The following TM9SF2 variants were observed in gnomAD, a reference collection of about 807,000 sequenced individuals.
The protein encoded by TM9SF2 is 76 kDa membrane protein.
Under a neutral mutation model 84.9 loss-of-function variants are expected in TM9SF2, and 13 were observed. That is an observed-to-expected ratio of 0.15 (90% confidence interval 0.10 to 0.24). The LOEUF (loss-of-function observed/expected upper bound fraction) is 0.24, where lower values mean the gene tolerates loss of function less well. TM9SF2 is among the 10% of genes least tolerant of loss of function. The pLI, the probability that TM9SF2 is intolerant of heterozygous loss-of-function variation, is 1.00. For missense variants in TM9SF2, 562 were observed against 818.5 expected (o/e 0.69, Z 3.82); for synonymous variants, 273 against 285.8 (o/e 0.96, Z 0.45).
At chr13:99,515,929 G>A (rs1167304565) in intron 1 of TM9SF2, among the ~76,000 whole-genome samples, 3 of 151,846 alleles carry the variant, frequency 2.0e-5, no homozygotes, top group Non-Finnish European at 4.4e-5. Flanking sequence ...ACGGGGTTTC[G>A]CCATGTTGAC....
At chr13:99,525,374 T>A (rs2046178384) in intron 3 of TM9SF2, among the ~76,000 whole-genome samples, 1 of 152,020 alleles carries the variant, frequency 6.6e-6, no homozygotes, top group African/African-American at 2.4e-5. Context: ...CCCGAGCAGC[T>A]GGGATTACAG....
At chr13:99,550,541 T>G (rs2046301387) in intron 12 of TM9SF2, among the ~76,000 whole-genome samples, 1 of 152,218 alleles carries the variant, frequency 6.6e-6, no homozygotes, top group Non-Finnish European at 1.5e-5. Flanking sequence ...CTTCTCTGAT[T>G]GATGTTCTTC....
At chr13:99,559,245 G>T (rs1315997061) in intron 15 of TM9SF2, 118 bp from the exon 16 acceptor site, 2 of 859,490 alleles carry the variant, frequency 2.3e-6, no homozygotes, top group African/African-American at 3.5e-5. Flanking sequence ...GCCTGGAACT[G>T]ATAGCAGAAA....
At chr13:99,525,962 C>T (rs1284145090) in intron 3 of TM9SF2, among the ~76,000 whole-genome samples, 1 of 152,140 alleles carries the variant, frequency 6.6e-6, no homozygotes, top group Non-Finnish European at 1.5e-5. Flanking sequence ...CCGTGGGTGT[C>T]CTTGCTCTGG....
chr13:99,555,465 G>A lies in TM9SF2; in HGVS notation c.1641-71G>A. ...CAAACCTTTTCAGTTCAAGAAGAATGAAAAGATTGTGTTATGTATTGTGTC... is the reference window on the plus strand; with the variant it reads ...CAAACCTTTTCAGTTCAAGAAGAATAAAAAGATTGTGTTATGTATTGTGTC... On this transcript the variant is annotated intron_variant, in intron 14 of 16. Transcript: ENST00000376387. 4.3e-6 allele frequency: 5 copies of A among 1,169,020 alleles called. No individual in the cohort carries two copies. In the South Asian group the frequency reaches 6.8e-5, roughly 16 times the overall value. 72.4% of individuals were successfully genotyped at this position (1,169,020 alleles called of 1,614,324 possible). A position where few individuals can be genotyped will look rare whatever the true frequency, so the allele number is the denominator to read the frequency against.
At chr13:99,562,618 G>GT in intron 16 of TM9SF2, 73 bp from the exon 17 acceptor site, 1 of 1,451,800 alleles carries the variant, frequency 6.9e-7, no homozygotes, top group East Asian at 2.3e-5. Context: ...ACCAGTCATT[G>GT]TAAGTCTGTA....
At chr13:99,513,145 T>C (rs2046120496) in intron 1 of TM9SF2, among the ~76,000 whole-genome samples, 1 of 152,246 alleles carries the variant, frequency 6.6e-6, no homozygotes, top group Non-Finnish European at 1.5e-5. Flanking sequence ...GAACTGTCCA[T>C]GAAGAATTTA....
intron 16 of TM9SF2, 89 bp downstream of exon 16, chr13:99,559,623 G>T: frequency 7.9e-7 from 1 of 1,264,872 alleles, no homozygotes; most frequent in Non-Finnish European, 1.1e-6. Flanking sequence ...AACCCATGAA[G>T]GCTTATTCTG....
chr13:99,535,660 T>G (rs2046230932), intron 4 of TM9SF2, among the ~76,000 whole-genome samples: 1 of 152,210 alleles, frequency 6.6e-6, no homozygotes, highest in Admixed American at 6.5e-5. Context: ...GTCATTAAGG[T>G]ACACCTTGGG....
At chr13:99,538,863 C>T (rs897164678) in intron 6 of TM9SF2, among the ~76,000 whole-genome samples, 5 of 152,102 alleles carry the variant, frequency 3.3e-5, no homozygotes, top group Non-Finnish European at 7.4e-5. Flanking sequence ...CACACTACTG[C>T]ACACCAGCCT....
intron 6 of TM9SF2, among the ~76,000 whole-genome samples, chr13:99,538,637 A>C (rs1023874218): frequency 6.6e-6 from 1 of 151,976 alleles, no homozygotes; most frequent in Non-Finnish European, 1.5e-5. Context: ...CTCTACAGAA[A>C]ATGAATTCGC....
intron 1 of TM9SF2, among the ~76,000 whole-genome samples, chr13:99,513,637 A>G (rs2046122564): frequency 6.6e-6 from 1 of 152,212 alleles, no homozygotes; most frequent in Non-Finnish European, 1.5e-5. Context: ...TACCTGGAAA[A>G]CAGTGCTGAA....
At position 99,501,735 on chromosome 13, in the gene TM9SF2, C is replaced by A. The variant is rs755254521; in HGVS notation, c.129C>A (p.Pro43=). 6.2e-7 allele frequency: 1 copy of A among 1,612,122 alleles called. No individual in the cohort carries two copies. The highest frequency in any genetic ancestry group is 1.1e-5 in the South Asian group (1 of 91,052). ...SGAFYLPGLA[P]VNFCDEEKKS... Reference sequence around the variant, plus strand: ...CTTTCTACCTGCCCGGCCTGGCGCCCGTCAACTTCTGCGACGAAGAAAAAA... The same window carrying A: ...CTTTCTACCTGCCCGGCCTGGCGCCAGTCAACTTCTGCGACGAAGAAAAAA... Residue 43 remains proline (P), a synonymous_variant, in exon 1 of 17, where the codon CCC becomes CCA. Transcript: ENST00000376387.
At chr13:99,509,676 T>C (rs146227626) in intron 1 of TM9SF2, among the ~76,000 whole-genome samples, 1 of 152,266 alleles carries the variant, frequency 6.6e-6, no homozygotes, top group Non-Finnish European at 1.5e-5. Flanking sequence ...TATAAACCCA[T>C]TCAGTCCTCC....
At chr13:99,539,416 A>T (rs1318822244) in intron 6 of TM9SF2, 30 bp from the exon 7 acceptor site, 1 of 1,380,264 alleles carries the variant, frequency 7.2e-7, no homozygotes, top group Non-Finnish European at 1.0e-6. Flanking sequence ...GTACTTTATC[A>T]GCATCTTGCC....
intron 15 of TM9SF2, among the ~76,000 whole-genome samples, chr13:99,556,798 G>A (rs1476254561): frequency 6.6e-6 from 1 of 152,104 alleles, no homozygotes; most frequent in African/African-American, 2.4e-5. Context: ...ATGTTAGCCA[G>A]GATGGTCTCG....
intron 1 of TM9SF2, among the ~76,000 whole-genome samples, chr13:99,510,234 A>G (rs561634280): frequency 6.6e-6 from 1 of 152,218 alleles, no homozygotes; most frequent in African/African-American, 2.4e-5. Context: ...ACAACCATTT[A>G]AACAGTCTCT....
At chr13:99,502,379 A>G (rs1594041424) in intron 1 of TM9SF2, among the ~76,000 whole-genome samples, 1 of 152,218 alleles carries the variant, frequency 6.6e-6, no homozygotes, top group Admixed American at 6.5e-5. Context: ...GAGCCACACA[A>G]AGTGCATTAA....
chr13:99,506,002 A>G (rs1455366917), intron 1 of TM9SF2, among the ~76,000 whole-genome samples: 3 of 152,232 alleles, frequency 2.0e-5, no homozygotes, highest in South Asian at 4.1e-4. Context: ...AAAATGACCA[A>G]TTATACCCCC....
Sources: gnomAD v4.1 joint callset for allele counts (sites outside exome capture counted in the v4.1 genomes callset) on GRCh38, gnomAD v4.1.1 for gene constraint, MANE v1.5 for transcripts, NCBI Gene and HGNC (gene_info 2026-07-23, HGNC 2026-07-21) for gene names.